SPIDR: variants seen among roughly 807,000 people sequenced by gnomAD.
SPIDR encodes scaffold protein involved in DNA repair.
Under a neutral mutation model 104.6 loss-of-function variants are expected in SPIDR, and 93 were observed. The ratio of observed to expected loss-of-function variants is 0.89; its 90% CI spans 0.75 to 1.06. SPIDR has a LOEUF of 1.06. SPIDR is among the 50% of genes least tolerant of loss of function. SPIDR has a pLI of 0.00. For missense variants in SPIDR, 1,154 were observed against 1,111.2 expected, an observed-to-expected ratio of 1.04 and a Z score of -0.55; for synonymous variants, 431 against 416.9, an observed-to-expected ratio of 1.03 and a Z score of -0.41.
chr8:47,595,781 G>T, intron 8 of SPIDR, 30 bp from the exon 9 acceptor site: 1 of 1,606,556 alleles, frequency 6.2e-7, no homozygotes, highest in Non-Finnish European at 8.5e-7. Flanking sequence ...ATATTGCAAA[G>T]AAACTGTTGC....
At chr8:47,384,352 C>G (rs573362891) in intron 5 of SPIDR, among the ~76,000 whole-genome samples, 1 of 152,242 alleles carries the variant, frequency 6.6e-6, no homozygotes, top group Non-Finnish European at 1.5e-5. Flanking sequence ...TACTTTGAAA[C>G]TACTAAAATA....
At chr8:47,553,977 C>A (rs989028208) in intron 8 of SPIDR, among the ~76,000 whole-genome samples, 6 of 152,210 alleles carry the variant, frequency 3.9e-5, no homozygotes, top group Non-Finnish European at 5.9e-5. Context: ...ACAATCAGGA[C>A]CCTCAGCTGC....
intron 8 of SPIDR, among the ~76,000 whole-genome samples, chr8:47,552,996 G>A (rs1010055165): frequency 1.3e-5 from 2 of 152,104 alleles, no homozygotes; most frequent in African/African-American, 4.8e-5. Context: ...GTCTGTAAAG[G>A]ATTTTGTTTC....
At chr8:47,424,875 C>T (rs546194876) in intron 7 of SPIDR, among the ~76,000 whole-genome samples, 82 of 152,206 alleles carry the variant, frequency 5.4e-4, no homozygotes, top group Non-Finnish European at 8.4e-4. Context: ...GGATTACAGG[C>T]GCCTGCCACC....
chr8:47,636,501 A>G (rs2067942329), intron 10 of SPIDR, among the ~76,000 whole-genome samples: 1 of 152,206 alleles, frequency 6.6e-6, no homozygotes, highest in Non-Finnish European at 1.5e-5. Context: ...AAGCCAAGAC[A>G]GATCAAAAGC....
At chr8:47,410,765 C>T (rs1204871807) in intron 7 of SPIDR, among the ~76,000 whole-genome samples, 3 of 152,064 alleles carry the variant, frequency 2.0e-5, no homozygotes, top group Non-Finnish European at 2.9e-5. Context: ...CCCATTAACT[C>T]GTCATTTAGC....
intron 11 of SPIDR, among the ~76,000 whole-genome samples, chr8:47,688,044 T>C (rs554818819): frequency 1.3e-5 from 2 of 151,078 alleles, no homozygotes; most frequent in South Asian, 2.1e-4. Context: ...TGTGTGTGTG[T>C]GCATGCGTAT....
At chr8:47,367,764 C>A (rs956287270) in intron 5 of SPIDR, among the ~76,000 whole-genome samples, 23 of 152,110 alleles carry the variant, frequency 1.5e-4, no homozygotes, top group African/African-American at 5.6e-4. Flanking sequence ...GTTGTAGCAG[C>A]AGCATTGTAG....
intron 1 of SPIDR, among the ~76,000 whole-genome samples, chr8:47,269,970 A>G (rs1486343935): frequency 2.6e-5 from 4 of 152,174 alleles, no homozygotes; most frequent in Non-Finnish European, 5.9e-5. Context: ...TGAATTTTCA[A>G]TATTACATTA....
In SPIDR at chr8:47,484,861, G is replaced by A. The variant is rs574929896; in HGVS notation, c.1097+44319G>A. On this transcript the variant is annotated intron_variant, in intron 8 of 19. Transcript: ENST00000297423. ...TGTTCTTAGAAACAGATCCAGACCC[G>A]GACGGCAGTTCCAAGACAGCTGAAT... Among the ~76,000 whole-genome samples the A allele has an allele frequency of 4.6e-5, 7 of 152,238 alleles. No individual in the cohort carries two copies. In the East Asian group the frequency reaches 5.8e-4, roughly 13 times the overall value.
At chr8:47,333,260 A>C (rs2049087825) in intron 5 of SPIDR, among the ~76,000 whole-genome samples, 1 of 152,116 alleles carries the variant, frequency 6.6e-6, no homozygotes, top group African/African-American at 2.4e-5. Context: ...GATGTTTTAC[A>C]GTTAACTTAA....
At chr8:47,400,626 TG>T (rs1242381542) in intron 6 of SPIDR, among the ~76,000 whole-genome samples, 1 of 152,050 alleles carries the variant, frequency 6.6e-6, no homozygotes, top group Non-Finnish European at 1.5e-5. Flanking sequence ...CTTTCTGGTT[TG>T]CCCTGCAGGA....
Position 47,729,395 on chromosome 8 carries a change from T to G in SPIDR, c.2551-17T>G, listed in dbSNP as rs770337822. The G allele has an allele frequency of 6.3e-7, 1 of 1,582,548 alleles. No homozygotes were observed. Among genetic ancestry groups the G allele is most frequent in the Admixed American group, 1.8e-5 (1 of 55,398 alleles). Reference sequence around the variant, plus strand: ...TGTTGGAGGGAGTTTAACCCAGCCCTGCTTCTGCTGTTGCAGCTGTTGCAG... The same window carrying G: ...TGTTGGAGGGAGTTTAACCCAGCCCGGCTTCTGCTGTTGCAGCTGTTGCAG... On this transcript the variant is annotated splice_polypyrimidine_tract_variant and intron_variant, in intron 18 of 19. Transcript: ENST00000297423.
In SPIDR at chr8:47,285,170, A is replaced by G. The variant is rs1054262505; in HGVS notation, c.256+1076A>G. Reference sequence around the variant, plus strand: ...TTGATTGATGACAGCAGTTGCTCATATGTCTGATGACAGAAGGAGCTATGT... The same window carrying G: ...TTGATTGATGACAGCAGTTGCTCATGTGTCTGATGACAGAAGGAGCTATGT... On this transcript the variant is annotated intron_variant, in intron 3 of 19. Transcript: ENST00000297423. 3.3e-5 allele frequency among the ~76,000 whole-genome samples: 5 copies of G among 152,326 alleles called. No individual in the cohort carries two copies. In the East Asian group the frequency reaches 7.7e-4, roughly 23 times the overall value.
At chr8:47,307,498 T>G (rs1427382657) in intron 5 of SPIDR, among the ~76,000 whole-genome samples, 14 of 149,316 alleles carry the variant, frequency 9.4e-5, no homozygotes, top group Non-Finnish European at 1.5e-4. Context: ...GGATTACAGG[T>G]GTGAGCCACC....
At chr8:47,647,241 C>A (rs1011097042) in intron 10 of SPIDR, among the ~76,000 whole-genome samples, 6 of 151,950 alleles carry the variant, frequency 3.9e-5, no homozygotes, top group Admixed American at 3.3e-4. Flanking sequence ...AAATAAGGGC[C>A]AAAATAAATA....
intron 11 of SPIDR, among the ~76,000 whole-genome samples, chr8:47,691,309 AAGAG>A (rs1218127439): frequency 1.2e-4 from 18 of 151,000 alleles, no homozygotes; most frequent in Non-Finnish European, 2.4e-4. Flanking sequence ...AAAAAAAAAA[AAGAG>A]AGAAAAGAAA....
At chr8:47,503,995 G>A (rs1008323417) in intron 8 of SPIDR, among the ~76,000 whole-genome samples, 5 of 152,164 alleles carry the variant, frequency 3.3e-5, no homozygotes, top group East Asian at 3.8e-4. Flanking sequence ...AGTTTCTGCC[G>A]AGAGACCAGC....
chr8:47,457,239 C>A (rs1554710380), intron 8 of SPIDR, among the ~76,000 whole-genome samples: 1 of 152,142 alleles, frequency 6.6e-6, no homozygotes, highest in Non-Finnish European at 1.5e-5. Flanking sequence ...TATTAGTGTT[C>A]CCTTTTCACC....
Sources: gnomAD v4.1 joint callset for allele counts (sites outside exome capture counted in the v4.1 genomes callset) on GRCh38, gnomAD v4.1.1 for gene constraint, MANE v1.5 for transcripts, NCBI Gene and HGNC (gene_info 2026-07-23, HGNC 2026-07-21) for gene names.